The following ADORA1 variants were observed in gnomAD, a reference collection of about 807,000 sequenced individuals.
ADORA1 encodes the protein adenosine A1 receptor.
In ADORA1, 6 loss-of-function variants were observed where a neutral mutation model predicts 19.9. The ratio of observed to expected loss-of-function variants is 0.30; its 90% confidence interval spans 0.17 to 0.59. The LOEUF is 0.59. ADORA1 is among the 20% of genes least tolerant of loss of function. The pLI is 0.87. For synonymous variants in ADORA1, 194 were observed against 188.4 expected (o/e 1.03, Z -0.24); for missense variants, 302 against 439.2 (o/e 0.69, Z 2.79).
intron 3 of ADORA1, among the ~76,000 whole-genome samples, chr1:203,149,241 A>C (rs1429727582): frequency 6.6e-6 from 1 of 152,168 alleles, no homozygotes; most frequent in East Asian, 1.9e-4. Flanking sequence ...TGGATGGAAA[A>C]AAAAGGCTTT....
chr1:203,131,729 G>T (rs34426152), intron 3 of ADORA1, among the ~76,000 whole-genome samples: 1 of 152,228 alleles, frequency 6.6e-6, no homozygotes, highest in Admixed American at 6.5e-5. Context: ...CCTGGCTGAG[G>T]TGTTGGGCCA....
Position 203,147,092 on chromosome 1 carries a change from G to A in ADORA1, c.341+17910G>A, listed in dbSNP as rs112089603. ...AACACTAACCATCCAAGTTGTAGCC[G>A]TAGGCAGGCACTGAACCTTCCTGGA... is the stretch of plus-strand genomic sequence containing the variant. On this transcript the variant is annotated intron_variant, in intron 3 of 3. Coordinates refer to ENST00000337894, the MANE Select transcript of ADORA1 (RefSeq NM_000674.3). 3.7e-3 allele frequency among the ~76,000 whole-genome samples: 567 copies of A among 152,334 alleles called. 6 individuals are homozygous for A. The highest frequency in any genetic ancestry group is 0.013 in the African/African-American group (523 of 41,566).
rs201682646 is a variant in ADORA1 at position 203,166,382 on chromosome 1, G to C, written c.*482G>C. The C allele has an allele frequency of 6.5e-6, 1 of 154,276 alleles. No individual in the cohort carries two copies. The highest frequency in any genetic ancestry group is 1.4e-5 in the Non-Finnish European group (1 of 69,652). 9.6% of individuals were successfully genotyped at this position (154,276 alleles called of 1,614,324 possible). A position where few individuals can be genotyped will look rare whatever the true frequency, so the allele number is the denominator to read the frequency against. On this transcript the variant is annotated 3_prime_UTR_variant, in exon 4 of 4. Coordinates refer to ENST00000337894, the MANE Select transcript of ADORA1 (RefSeq NM_000674.3). The stretch of plus-strand genomic sequence containing the variant: ...GCTCTGAGACGGATGGAAGGAGAGA[G>C]GTTGAGGATGCACTGGCCTGTTCTG...
chr1:203,161,448 A>G (rs1251211402), intron 3 of ADORA1, among the ~76,000 whole-genome samples: 1 of 152,124 alleles, frequency 6.6e-6, no homozygotes, highest in Non-Finnish European at 1.5e-5. Flanking sequence ...TCAATAAACT[A>G]AATAAATAAA....
intron 3 of ADORA1, chr1:203,150,808 TC>T: frequency 2.6e-6 from 3 of 1,158,820 alleles, no homozygotes; most frequent in Non-Finnish European, 3.4e-6. Flanking sequence ...TTCTCTGTCC[TC>T]CCCCTATCTG....
chr1:203,147,015 G>T (rs1422875602), intron 3 of ADORA1, among the ~76,000 whole-genome samples: 1 of 152,186 alleles, frequency 6.6e-6, no homozygotes, highest in African/African-American at 2.4e-5. Flanking sequence ...AGTGCTTCAC[G>T]CAAAGAGCAC....
At chr1:203,130,510 G>A (rs1304831816) in intron 3 of ADORA1, among the ~76,000 whole-genome samples, 1 of 152,188 alleles carries the variant, frequency 6.6e-6, no homozygotes, top group Non-Finnish European at 1.5e-5. Context: ...AGGGAAGGTG[G>A]GGTGAATAAG....
In ADORA1 at chr1:203,165,272, T is replaced by A; in HGVS notation, c.353T>A (p.Val118Glu). 6.3e-7 allele frequency: 1 copy of A among 1,583,642 alleles called. No homozygotes were observed. The highest frequency in any genetic ancestry group is 1.2e-5 in the South Asian group (1 of 86,634). ...RVKIPLRYKM[V>E]VTPRRAAVAI... ...CTCCTCTCCCCCAGGTACAAGATGG[T>A]GGTGACCCCCCGGAGGGCGGCGGTG... The change falls in exon 4 of 4, where the codon GTG (valine) becomes GAG (glutamate). Residue 118 changes from valine to glutamate, a missense_variant. Physicochemically the swap from Val to Glu is moderately radical, Grantham distance 121. Transcript: ENST00000337894. The surrounding 1 kb of genome is among the most constrained non-coding windows in gnomAD (Gnocchi z 5.9).
chr1:203,150,590 G>A, intron 3 of ADORA1: 1 of 1,279,076 alleles, frequency 7.8e-7, no homozygotes, highest in Non-Finnish European at 1.0e-6. Flanking sequence ...AAGGTGGGGA[G>A]AAAGGCCAGG....
intron 3 of ADORA1, among the ~76,000 whole-genome samples, chr1:203,139,437 C>T (rs139749412): frequency 1.9e-3 from 287 of 152,214 alleles, no homozygotes; most frequent in African/African-American, 6.2e-3. Flanking sequence ...GTGGAGAGAG[C>T]AGCAAGCGTG....
At position 203,165,297 on chromosome 1, in the gene ADORA1, G is replaced by A. The variant is rs779397969; in HGVS notation, c.378G>A (p.Val126=). The A allele has an allele frequency of 1.3e-6, 2 of 1,569,050 alleles. No individual in the cohort carries two copies. Among genetic ancestry groups the A allele is most frequent in the South Asian group, 2.4e-5 (2 of 83,212 alleles). ...KMVVTPRRAA[V]AIAGCWILSF... ...TGGTGACCCCCCGGAGGGCGGCGGT[G>A]GCCATAGCCGGCTGCTGGATCCTCT... The change falls in exon 4 of 4, where the codon GTG becomes GTA. Residue 126 remains valine (V), a synonymous_variant. Coordinates refer to ENST00000337894, the MANE Select transcript of ADORA1 (RefSeq NM_000674.3). The surrounding 1 kb of genome is among the most constrained non-coding windows in gnomAD (Gnocchi z 5.9).
chr1:203,149,234 A>G (rs373774096), intron 3 of ADORA1, among the ~76,000 whole-genome samples: 1 of 152,094 alleles, frequency 6.6e-6, no homozygotes, highest in African/African-American at 2.4e-5. Context: ...TGAATGGTGG[A>G]TGGAAAAAAA....
chr1:203,161,338 C>CTCA (rs952811184), intron 3 of ADORA1, among the ~76,000 whole-genome samples: 1 of 152,198 alleles, frequency 6.6e-6, no homozygotes, highest in African/African-American at 2.4e-5. Context: ...GGCGTGGTGG[C>CTCA]TCATACCTGT....
At chr1:203,137,729 T>A (rs1057250265) in intron 3 of ADORA1, among the ~76,000 whole-genome samples, 2 of 152,136 alleles carry the variant, frequency 1.3e-5, no homozygotes, top group African/African-American at 4.8e-5. Context: ...CTCTATAAAA[T>A]TTTGCATATG....
intron 3 of ADORA1, among the ~76,000 whole-genome samples, chr1:203,147,548 G>A (rs1654896996): frequency 6.6e-6 from 1 of 152,204 alleles, no homozygotes; most frequent in Admixed American, 6.5e-5. Context: ...TCAAAGCGTG[G>A]TCAGGGACCA....
chr1:203,134,304 G>A (rs1017382976), intron 3 of ADORA1, among the ~76,000 whole-genome samples: 55 of 152,324 alleles, frequency 3.6e-4, no homozygotes, highest in Non-Finnish European at 5.9e-4. Flanking sequence ...AGGAAAGTAT[G>A]CAGCCTCAGT....
chr1:203,150,224 C>T (rs913000689), intron 3 of ADORA1, among the ~76,000 whole-genome samples: 2 of 152,212 alleles, frequency 1.3e-5, no homozygotes, highest in African/African-American at 4.8e-5. Flanking sequence ...TGGGTGCTCC[C>T]CACCTCCCAC....
At chr1:203,143,470 C>T (rs1370366225) in intron 3 of ADORA1, among the ~76,000 whole-genome samples, 1 of 152,074 alleles carries the variant, frequency 6.6e-6, no homozygotes, top group Non-Finnish European at 1.5e-5. Context: ...GCATGAAGCC[C>T]CCTCCCCCCA....
chr1:203,150,817 C>G (rs1288797282), intron 3 of ADORA1: 1 of 1,271,024 alleles, frequency 7.9e-7, no homozygotes, highest in Admixed American at 2.3e-5. Flanking sequence ...CTCCCCCTAT[C>G]TGCTGTCTGT....
Sources: gnomAD v4.1 joint callset for allele counts (sites outside exome capture counted in the v4.1 genomes callset) on GRCh38, gnomAD v4.1.1 for gene constraint, Gnocchi (gnomAD v3.1) non-coding constraint, MANE v1.5 for transcripts, NCBI Gene and HGNC (gene_info 2026-07-23, HGNC 2026-07-21) for gene names.